The following LRP6 variants were observed in gnomAD, a reference collection of about 807,000 sequenced individuals.
LRP6 encodes the protein low-density lipoprotein receptor-related protein 6.
A neutral mutation model predicts 184.1 loss-of-function variants in LRP6; 43 were observed. The observed-to-expected ratio is 0.23, with a 90% CI of 0.18 to 0.30. The LOEUF is 0.30. Among genes scored for constraint, LRP6 ranks in the 10% least tolerant of loss-of-function variants. The pLI is 1.00. For missense variants in LRP6, 1,571 were observed against 2,005.3 expected (o/e 0.78, Z 4.14); for synonymous variants, 719 against 684.9 (o/e 1.05, Z -0.78).
chr12:12,178,060 A>G (rs1863241314), intron 7 of LRP6, among the ~76,000 whole-genome samples: 1 of 152,194 alleles, frequency 6.6e-6, no homozygotes, highest in African/African-American at 2.4e-5. Flanking sequence ...AGAAAACATA[A>G]CAAAGAGGCC....
At chr12:12,131,000 CT>C in intron 18 of LRP6, 107 bp from the exon 19 acceptor site, 1 of 691,976 alleles carries the variant, frequency 1.4e-6, no homozygotes. Flanking sequence ...ACAAATTAGA[CT>C]TTTAGCTATA....
Position 12,159,806 on chromosome 12 carries a change from T to C in LRP6, c.2438A>G (p.Asn813Ser), listed in dbSNP as rs1423279775. Reference protein sequence around the residue: ...RRLYWTDLDTNLIESSNMLGL... With the variant: ...RRLYWTDLDTSLIESSNMLGL... ...AAGCATATTTGAAGATTCTATTAAG[T>C]TGGTGTCCAGGTCTGTCCAATAAAG... Residue 813 changes from asparagine to serine, a missense_variant, in exon 11 of 23, where the codon AAC becomes AGC. By Grantham distance (46) the Asn-to-Ser change is conservative. Around this residue, in one of 4 missense-constraint regions of LRP6, gnomAD observed 158 missense variants for 258.4 expected, o/e 0.61. Transcript: ENST00000261349. 5 of 1,614,020 alleles carry C rather than the reference T, an allele frequency of 3.1e-6. No individual in the cohort carries two copies. The highest frequency in any genetic ancestry group is 1.3e-5 in the African/African-American group (1 of 74,938).
At chr12:12,213,293 CATTT>C (rs1024509312) in intron 2 of LRP6, among the ~76,000 whole-genome samples, 3 of 151,930 alleles carry the variant, frequency 2.0e-5, no homozygotes, top group African/African-American at 7.2e-5. Flanking sequence ...AAAATTAATA[CATTT>C]ATTTATTTTG....
chr12:12,234,659 C>T (rs1368635085), intron 2 of LRP6, among the ~76,000 whole-genome samples: 14 of 151,818 alleles, frequency 9.2e-5, no homozygotes, highest in Non-Finnish European at 2.1e-4. Context: ...GGTGAAACCC[C>T]GCCTCTACTA....
intron 21 of LRP6, among the ~76,000 whole-genome samples, chr12:12,125,027 C>A (rs1222282399): frequency 2.0e-5 from 3 of 152,140 alleles, no homozygotes; most frequent in Non-Finnish European, 4.4e-5. Context: ...AGGCCCTAAT[C>A]CCTCAATAGG....
chr12:12,246,451 G>A (rs1387130708), intron 1 of LRP6, among the ~76,000 whole-genome samples: 3 of 151,720 alleles, frequency 2.0e-5, no homozygotes, highest in Non-Finnish European at 2.9e-5. Flanking sequence ...GGTGGCTCAC[G>A]CCTGTAATCC....
Position 12,162,051 on chromosome 12 carries a change from G to A in LRP6, c.2279+142C>T, listed in dbSNP as rs531213233. ...TTCAAATCAGCAAAATATCAATAGT[G>A]TTTTTAAAAGTTCATCTATCATTTA... On this transcript the variant is annotated intron_variant, in intron 10 of 22. Transcript: ENST00000261349. The A allele has an allele frequency of 7.3e-5, 49 of 673,314 alleles. No homozygotes were observed. The African/African-American group carries it at 8.7e-4, about 12-fold the overall frequency. 41.7% of individuals were successfully genotyped at this position (673,314 alleles called of 1,614,324 possible).
chr12:12,131,567 A>G (rs1371502399), intron 18 of LRP6, among the ~76,000 whole-genome samples: 2 of 152,208 alleles, frequency 1.3e-5, no homozygotes, highest in African/African-American at 2.4e-5. Context: ...GGAAACAGGG[A>G]CTATTTTTAT....
chr12:12,203,118 T>C (rs1863959973), intron 3 of LRP6, 85 bp downstream of exon 3: 1 of 946,290 alleles, frequency 1.1e-6, no homozygotes. Context: ...AAAATAAACA[T>C]ATTTCTTAAT....
chr12:12,127,490 C>A (rs1205547433), intron 19 of LRP6, among the ~76,000 whole-genome samples: 2 of 152,158 alleles, frequency 1.3e-5, no homozygotes, highest in Non-Finnish European at 2.9e-5. Context: ...CTCTCAAATC[C>A]CCTATGCTGC....
chr12:12,193,852 G>A (rs952212603), intron 3 of LRP6, among the ~76,000 whole-genome samples: 4 of 152,162 alleles, frequency 2.6e-5, no homozygotes, highest in Middle Eastern at 3.4e-3. Context: ...ACTCTATGAG[G>A]CTGATATTAT....
At chr12:12,228,663 C>T (rs990240593) in intron 2 of LRP6, among the ~76,000 whole-genome samples, 2 of 152,278 alleles carry the variant, frequency 1.3e-5, no homozygotes, top group South Asian at 4.2e-4. Flanking sequence ...CTCAGGAGTG[C>T]GAACCTTATT....
intron 15 of LRP6, among the ~76,000 whole-genome samples, chr12:12,139,158 C>G (rs897016986): frequency 6.6e-6 from 1 of 152,160 alleles, no homozygotes; most frequent in African/African-American, 2.4e-5. Context: ...TATACTCATT[C>G]CTTCTTTTTC....
intron 2 of LRP6, among the ~76,000 whole-genome samples, chr12:12,219,118 C>A (rs1199002637): frequency 6.6e-6 from 1 of 152,146 alleles, no homozygotes; most frequent in Non-Finnish European, 1.5e-5. Context: ...AAGGCTCCAT[C>A]TCAAATACAA....
intron 5 of LRP6, among the ~76,000 whole-genome samples, chr12:12,182,354 T>A (rs1308588891): frequency 6.6e-6 from 1 of 152,192 alleles, no homozygotes; most frequent in Non-Finnish European, 1.5e-5. Context: ...GGTTTATTTA[T>A]GAACTGTTTA....
At position 12,117,886 on chromosome 12, in the gene LRP6, C is replaced by T. The variant is rs1162970588; in HGVS notation, c.*3240G>A. 6.6e-6 allele frequency: 1 copy of T among 152,034 alleles called. No individual in the cohort carries two copies. Among genetic ancestry groups the T allele is most frequent in the African/African-American group, 2.4e-5 (1 of 41,402 alleles). The allele number at this position is 152,034 out of a possible 1,614,324, so 9.4% of individuals were successfully genotyped here. On this transcript the variant is annotated 3_prime_UTR_variant, in exon 23 of 23. Coordinates refer to ENST00000261349, the MANE Select transcript of LRP6 (RefSeq NM_002336.3). ...GATATTTTTAAATGATAAAGAAATA[C>T]AACCCTCAAAATCATCTTAAAATTG...
At chr12:12,169,742 C>T (rs1038288410) in intron 7 of LRP6, among the ~76,000 whole-genome samples, 7 of 152,076 alleles carry the variant, frequency 4.6e-5, no homozygotes, top group South Asian at 2.1e-4. Context: ...TTCTCTCACT[C>T]GAAAAGCAAA....
At chr12:12,149,508 G>A (rs2136916042) in intron 13 of LRP6, among the ~76,000 whole-genome samples, 1 of 152,308 alleles carries the variant, frequency 6.6e-6, no homozygotes, top group Admixed American at 6.5e-5. Context: ...CTCTAAAGCA[G>A]CGGATTGCAA....
Position 12,230,319 on chromosome 12 carries a change from G to A in LRP6, c.449+13943C>T, listed in dbSNP as rs368514716. Among the ~76,000 whole-genome samples the A allele has an allele frequency of 2.6e-5, 4 of 152,042 alleles. No individual in the cohort carries two copies. In the East Asian group the frequency reaches 5.8e-4, roughly 22 times the overall value. On this transcript the variant is annotated intron_variant, in intron 2 of 22. Transcript: ENST00000261349. ...GCATTTAATTTATTTGATTAGGTAA[G>A]GATAAAACAACAAATCTTCCAAAAT...
Sources: gnomAD v4.1 joint callset for allele counts (sites outside exome capture counted in the v4.1 genomes callset) on GRCh38, gnomAD v4.1.1 for gene constraint, gnomAD v4.1.1 regional missense constraint, MANE v1.5 for transcripts, NCBI Gene and HGNC (gene_info 2026-07-23, HGNC 2026-07-21) for gene names.